TUBGCP3: variants seen among roughly 807,000 people sequenced by gnomAD.
TUBGCP3 encodes gamma-tubulin complex component 3.
TUBGCP3 carries 50 observed loss-of-function variants against 123.1 expected under a neutral mutation model. The observed-to-expected ratio is 0.41, with a 90% CI of 0.32 to 0.51. The LOEUF (loss-of-function observed/expected upper bound fraction) is 0.51, where lower values mean the gene tolerates loss of function less well. Among genes scored for constraint, TUBGCP3 ranks in the 20% least tolerant of loss-of-function variants. The pLI is 0.36. For synonymous variants in TUBGCP3, 405 were observed against 413.9 expected (o/e 0.98, Z 0.26); for missense variants, 882 against 1,127.0 (o/e 0.78, Z 3.11).
chr13:112,529,015 C>T (rs1877355460), intron 11 of TUBGCP3, among the ~76,000 whole-genome samples: 1 of 152,078 alleles, frequency 6.6e-6, no homozygotes, highest in Non-Finnish European at 1.5e-5. Flanking sequence ...CCATGCCTGG[C>T]TAATTTTTTG....
chr13:112,512,427 CAAAA>C (rs35550857), intron 17 of TUBGCP3, among the ~76,000 whole-genome samples: 5 of 39,454 alleles, frequency 1.3e-4, no homozygotes, highest in African/African-American at 1.9e-4. Flanking sequence ...GACTCTGTCT[CAAAA>C]AAAAAAAAAA....
chr13:112,526,662 CCAA>C (rs1877142703), intron 13 of TUBGCP3, among the ~76,000 whole-genome samples: 1 of 149,930 alleles, frequency 6.7e-6, no homozygotes, highest in East Asian at 2.0e-4. Flanking sequence ...TCATCCATCC[CCAA>C]CATCATCACA....
intron 2 of TUBGCP3, among the ~76,000 whole-genome samples, chr13:112,568,801 C>T (rs1881184353): frequency 6.6e-6 from 1 of 152,238 alleles, no homozygotes; most frequent in Admixed American, 6.5e-5. Context: ...CGGCTCATTA[C>T]TCAGAGCTGA....
chr13:112,575,879 G>C (rs1343818235), intron 1 of TUBGCP3, among the ~76,000 whole-genome samples: 1 of 152,212 alleles, frequency 6.6e-6, no homozygotes, highest in African/African-American at 2.4e-5. Context: ...ACAGTCACTG[G>C]AGCTGGAAAA....
chr13:112,523,865 T>G (rs1269987646), intron 13 of TUBGCP3, among the ~76,000 whole-genome samples: 3 of 152,230 alleles, frequency 2.0e-5, no homozygotes, highest in Non-Finnish European at 2.9e-5. Context: ...TAAAAATGAA[T>G]TTGACATGTT....
At chr13:112,490,053 T>C (rs960976023) in intron 20 of TUBGCP3, among the ~76,000 whole-genome samples, 4 of 152,130 alleles carry the variant, frequency 2.6e-5, no homozygotes, top group African/African-American at 9.7e-5. Context: ...AGACAGTATG[T>C]GTGAAAGTGG....
chr13:112,578,640 T>C (rs1882045140), intron 1 of TUBGCP3, among the ~76,000 whole-genome samples: 1 of 147,292 alleles, frequency 6.8e-6, no homozygotes, highest in Admixed American at 6.8e-5. Flanking sequence ...TCATCACACC[T>C]GTAAATCATG....
rs1335705574 is a variant in TUBGCP3, at chr13:112,565,036, ACATT to A, written c.252+71_252+74del. On this transcript the variant is annotated intron_variant, in intron 3 of 21. Transcript: ENST00000261965. ...AAAGTTTAATATGATACCACAAAAA[ACATT>A]CAAAGGTTCCTATACCACTCATCAT... 6 of 1,270,096 alleles carry A rather than the reference ACATT, an allele frequency of 4.7e-6. No homozygotes were observed. The Admixed American group carries it at 1.3e-4, about 26-fold the overall frequency. 78.7% of individuals were successfully genotyped at this position (1,270,096 alleles called of 1,614,324 possible).
At chr13:112,547,316 T>C (rs1879092836) in intron 10 of TUBGCP3, 1 of 405,952 alleles carries the variant, frequency 2.5e-6, no homozygotes, top group Non-Finnish European at 4.3e-6. Flanking sequence ...TCCATCTCAA[T>C]GCCAGCCCGA....
At position 112,554,007 on chromosome 13, in the gene TUBGCP3, C is replaced by A. The variant is rs761574308; in HGVS notation, c.966+50G>T. ...ACAGTAAGATTTCAACTAGAGTAAG[C>A]GTTTCCCAAAGTGCGCAGCATCCCA... On this transcript the variant is annotated intron_variant, in intron 8 of 21. Coordinates refer to ENST00000261965, the MANE Select transcript of TUBGCP3 (RefSeq NM_006322.6). 3 of 1,586,868 alleles carry A rather than the reference C, an allele frequency of 1.9e-6. No individual in the cohort carries two copies. In the African/African-American group the frequency reaches 4.1e-5, roughly 22 times the overall value.
At chr13:112,588,606 C>A (rs1435712253), upstream of TUBGCP3, among the ~76,000 whole-genome samples, 1 of 151,910 alleles carries the variant, frequency 6.6e-6, no homozygotes, top group Non-Finnish European at 1.5e-5. Context: ...GCGGGCCGGT[C>A]CCCCCCGGCC....
Position 112,511,361 on chromosome 13 carries a change from A to T in TUBGCP3, c.2086+5079T>A, listed in dbSNP as rs369987853. On this transcript the variant is annotated intron_variant, in intron 17 of 21. Coordinates refer to ENST00000261965, the MANE Select transcript of TUBGCP3 (RefSeq NM_006322.6). This position sits in a 1 kb window ranked among gnomAD's most constrained non-coding sequence, Gnocchi z 4.1. ...TCTCTCAATAATAATTATGTGCTTC[A>T]TGGATTTCAAATTTATGCTCCACTG... 6.6e-6 allele frequency among the ~76,000 whole-genome samples: 1 copy of T among 152,182 alleles called. No individual in the cohort carries two copies. The highest frequency in any genetic ancestry group is 2.4e-5 in the African/African-American group (1 of 41,450).
chr13:112,576,794 C>T (rs1881849763), intron 1 of TUBGCP3, among the ~76,000 whole-genome samples: 1 of 151,504 alleles, frequency 6.6e-6, no homozygotes, highest in Non-Finnish European at 1.5e-5. Context: ...GCATAAAATG[C>T]TTTCTTTAAA....
In TUBGCP3 at chr13:112,499,282, A is replaced by G. The variant is rs141936771; in HGVS notation, c.2308-97T>C. ...TAGTGAAAAGATATTAGAAAACAAG[A>G]TATCAACTGAAATTCCCAAAGTGTT... On this transcript the variant is annotated intron_variant, in intron 19 of 21. Transcript: ENST00000261965. 132 of 1,417,932 alleles carry G rather than the reference A, an allele frequency of 9.3e-5. 1 individual carries two copies. In the East Asian group the frequency reaches 2.8e-3, roughly 30 times the overall value. The allele number at this position is 1,417,932 out of a possible 1,614,324, so 87.8% of individuals were successfully genotyped here.
chr13:112,530,936 T>C (rs918680022), intron 11 of TUBGCP3, among the ~76,000 whole-genome samples: 1 of 152,234 alleles, frequency 6.6e-6, no homozygotes, highest in African/African-American at 2.4e-5. Flanking sequence ...CAAATATTTT[T>C]CTATTAGAAA....
chr13:112,534,348 C>T (rs1415297255), intron 11 of TUBGCP3, among the ~76,000 whole-genome samples: 1 of 152,126 alleles, frequency 6.6e-6, no homozygotes, highest in African/African-American at 2.4e-5. Context: ...AGATCGAGAC[C>T]ATCCTGGCTA....
intron 5 of TUBGCP3, among the ~76,000 whole-genome samples, chr13:112,556,819 T>C (rs1036529596): frequency 1.3e-5 from 2 of 152,276 alleles, no homozygotes; most frequent in Non-Finnish European, 2.9e-5. Context: ...ATTTTGAGAC[T>C]ATGTCAAAGT....
At chr13:112,575,233 G>T (rs775116278) in intron 1 of TUBGCP3, among the ~76,000 whole-genome samples, 1 of 152,174 alleles carries the variant, frequency 6.6e-6, no homozygotes, top group Non-Finnish European at 1.5e-5. Context: ...GAGACATGAT[G>T]AAAGATATCC....
chr13:112,534,930 G>A (rs769064757), intron 11 of TUBGCP3, among the ~76,000 whole-genome samples: 11 of 152,152 alleles, frequency 7.2e-5, no homozygotes, highest in Non-Finnish European at 1.5e-4. Context: ...CCATTAAGCA[G>A]TCACTCATTC....
Sources: allele counts gnomAD v4.1 joint callset (sites outside exome capture counted in the v4.1 genomes callset), GRCh38; gene constraint gnomAD v4.1.1; non-coding constraint Gnocchi (gnomAD v3.1); transcripts MANE v1.5; gene names NCBI Gene and HGNC (gene_info 2026-07-23, HGNC 2026-07-21).